OPCML: variants seen among roughly 807,000 people sequenced by gnomAD.
The protein encoded by OPCML is opioid binding protein/cell adhesion molecule like.
Under a neutral mutation model 37.8 loss-of-function variants are expected in OPCML, and 13 were observed. The observed-to-expected ratio is 0.34, with a 90% CI of 0.22 to 0.55. OPCML has a LOEUF of 0.55. Ranked by LOEUF, OPCML falls within the 20% of genes least tolerant of loss-of-function variation. The pLI, the probability that OPCML is intolerant of heterozygous loss-of-function variation, is 0.91. For missense variants in OPCML, 341 were observed against 435.6 expected, an observed-to-expected ratio of 0.78 and a Z score of 1.93; for synonymous variants, 176 against 168.8, an observed-to-expected ratio of 1.04 and a Z score of -0.33.
intron 2 of OPCML, among the ~76,000 whole-genome samples, chr11:132,758,311 T>C (rs962004504): frequency 2.0e-5 from 3 of 152,204 alleles, no homozygotes; most frequent in African/African-American, 7.2e-5. Flanking sequence ...CCATATGAAA[T>C]TTAAAGTAGT....
intron 1 of OPCML, among the ~76,000 whole-genome samples, chr11:133,035,990 A>G (rs1301556419): frequency 1.3e-5 from 2 of 152,190 alleles, no homozygotes; most frequent in African/African-American, 2.4e-5. Flanking sequence ...GAGAAAGTGA[A>G]TATCTAATGT....
chr11:133,320,127 T>C (rs1943295815), intron 1 of OPCML, among the ~76,000 whole-genome samples: 1 of 152,206 alleles, frequency 6.6e-6, no homozygotes, highest in African/African-American at 2.4e-5. Context: ...TAGATGTCTT[T>C]GAAACTATAC....
chr11:132,620,738 CTCTCA>C (rs1939350664), intron 3 of OPCML, among the ~76,000 whole-genome samples: 1 of 152,218 alleles, frequency 6.6e-6, no homozygotes, highest in East Asian at 1.9e-4. Context: ...ACCTGGCTCT[CTCTCA>C]TCTCATGTCC....
intron 1 of OPCML, among the ~76,000 whole-genome samples, chr11:133,040,961 A>G (rs1418383017): frequency 2.0e-5 from 3 of 152,244 alleles, no homozygotes; most frequent in Non-Finnish European, 4.4e-5. Flanking sequence ...GCTAGAGATC[A>G]GCAGGGAAGG....
rs888663525 is a variant in OPCML at position 133,173,747 on chromosome 11, T to C, written c.62-230737A>G. ...CAGTTTAAGAATCTCTAAGAATGCA[T>C]AAGTAAAGAAAAAATAGAATTACGT... On this transcript the variant is annotated intron_variant, in intron 1 of 7. Coordinates refer to ENST00000524381, the MANE Select transcript of OPCML (RefSeq NM_001012393.5). This position sits in a 1 kb window ranked among gnomAD's most constrained non-coding sequence, Gnocchi z 7.8. 2.0e-5 allele frequency among the ~76,000 whole-genome samples: 3 copies of C among 152,200 alleles called. No individual in the cohort carries two copies.
At chr11:132,674,163 C>T (rs974764322) in intron 2 of OPCML, among the ~76,000 whole-genome samples, 1 of 152,160 alleles carries the variant, frequency 6.6e-6, no homozygotes, top group Non-Finnish European at 1.5e-5. Context: ...CATACACTAA[C>T]AGTCTCCTCT....
At chr11:132,521,924 C>T (rs2096294907) in intron 4 of OPCML, among the ~76,000 whole-genome samples, 2 of 152,014 alleles carry the variant, frequency 1.3e-5, no homozygotes, top group East Asian at 3.9e-4. Context: ...ATATAGGTAC[C>T]ATAACAATCA....
intron 2 of OPCML, among the ~76,000 whole-genome samples, chr11:132,893,966 C>T (rs1044526419): frequency 6.6e-6 from 1 of 152,190 alleles, no homozygotes; most frequent in Non-Finnish European, 1.5e-5. Context: ...TGCGTCTTTA[C>T]ATCACACACA....
chr11:133,276,835 C>G (rs530629404), intron 1 of OPCML, among the ~76,000 whole-genome samples: 1 of 152,106 alleles, frequency 6.6e-6, no homozygotes, highest in South Asian at 2.1e-4. Flanking sequence ...ACGACTTTGC[C>G]CCAATTATTT....
chr11:132,646,553 A>C (rs1279868716), intron 3 of OPCML, among the ~76,000 whole-genome samples: 3 of 152,188 alleles, frequency 2.0e-5, no homozygotes, highest in Non-Finnish European at 1.5e-5. Flanking sequence ...TTAGGATGTG[A>C]CAGGCAAAAG....
intron 1 of OPCML, among the ~76,000 whole-genome samples, chr11:133,312,347 A>T (rs1379619925): frequency 6.6e-6 from 1 of 152,080 alleles, no homozygotes; most frequent in Non-Finnish European, 1.5e-5. Context: ...ACAACAAAAC[A>T]CCGCATTGTG....
chr11:132,935,462 C>G (rs147782565), intron 2 of OPCML, among the ~76,000 whole-genome samples: 2 of 152,298 alleles, frequency 1.3e-5, no homozygotes, highest in East Asian at 1.9e-4. Context: ...TTAACAACCA[C>G]TGATAACATT....
At chr11:133,299,331 G>T (rs1942723229) in intron 1 of OPCML, 1 of 152,288 alleles carries the variant, frequency 6.6e-6, no homozygotes, top group Admixed American at 6.5e-5. Flanking sequence ...CTTCCACTGT[G>T]CTGCACTAAT....
At chr11:133,041,283 G>A (rs947929206) in intron 1 of OPCML, among the ~76,000 whole-genome samples, 5 of 152,180 alleles carry the variant, frequency 3.3e-5, no homozygotes, top group African/African-American at 1.2e-4. Context: ...TACAGCTTTG[G>A]CCCACAGTAA....
chr11:133,040,492 G>A (rs192838288), intron 1 of OPCML, among the ~76,000 whole-genome samples: 188 of 152,346 alleles, frequency 1.2e-3, no homozygotes, highest in East Asian at 6.0e-3. Context: ...GAATGTCCAT[G>A]ACTTCCCTAT....
intron 2 of OPCML, among the ~76,000 whole-genome samples, chr11:132,817,558 G>A (rs893229602): frequency 3.9e-5 from 6 of 152,090 alleles, no homozygotes; most frequent in African/African-American, 1.4e-4. Flanking sequence ...TGTTTTTCTG[G>A]ATATATGCCT....
Position 133,455,977 on chromosome 11 carries a change from G to A in OPCML, c.61+76287C>T, listed in dbSNP as rs113630522. ...AGGAGGAGAAGAGCACAACATACTC[G>A]CAATGTTCTAACTTGTCTGTGGGCT... On this transcript the variant is annotated intron_variant, in intron 1 of 7. Coordinates refer to ENST00000524381, the MANE Select transcript of OPCML (RefSeq NM_001012393.5). Among the ~76,000 whole-genome samples the A allele has an allele frequency of 8.7e-3, 1,328 of 152,266 alleles. 15 individuals carry two copies. The highest frequency in any genetic ancestry group is 0.03 in the African/African-American group (1,236 of 41,546).
intron 1 of OPCML, among the ~76,000 whole-genome samples, chr11:133,136,307 T>A (rs1434943285): frequency 1.3e-5 from 2 of 152,192 alleles, no homozygotes; most frequent in Non-Finnish European, 2.9e-5. Context: ...GTGGTGTCTA[T>A]GCCTCTGCTG....
At chr11:132,551,783 G>T (rs2096382256) in intron 3 of OPCML, among the ~76,000 whole-genome samples, 1 of 152,104 alleles carries the variant, frequency 6.6e-6, no homozygotes, top group Admixed American at 6.5e-5. Context: ...TAAAAACTCT[G>T]ATCCCTGAAT....
Sources: gnomAD v4.1 joint callset for allele counts (sites outside exome capture counted in the v4.1 genomes callset) on GRCh38, gnomAD v4.1.1 for gene constraint, Gnocchi (gnomAD v3.1) non-coding constraint, MANE v1.5 for transcripts, NCBI Gene and HGNC (gene_info 2026-07-23, HGNC 2026-07-21) for gene names.